Variants in GRAMD4 observed in about 807,000 individuals in gnomAD.
GRAMD4 encodes GRAM domain-containing protein 4.
In GRAMD4, 25 loss-of-function variants were observed where a neutral mutation model predicts 83.9. That is an observed-to-expected ratio of 0.30 (90% CI 0.22 to 0.42). The LOEUF is 0.42. Ranked by LOEUF, GRAMD4 falls within the 10% of genes least tolerant of loss-of-function variation. The pLI is 1.00. For synonymous variants in GRAMD4, 336 were observed against 320.9 expected, an observed-to-expected ratio of 1.05 and a Z score of -0.50; for missense variants, 593 against 788.7, an observed-to-expected ratio of 0.75 and a Z score of 2.97.
chr22:46,627,237 T>C (rs114164971), intron 2 of GRAMD4, among the ~76,000 whole-genome samples: 237 of 152,330 alleles, frequency 1.6e-3, no homozygotes, highest in African/African-American at 5.4e-3. Context: ...CTCACGCACA[T>C]GTGACGCGGA....
rs9616092 is a variant in GRAMD4, at chr22:46,672,394, A to G, written c.1085-449A>G. Among the ~76,000 whole-genome samples the G allele has an allele frequency of 0.11, 17,035 of 151,276 alleles. 1,089 individuals are homozygous for G. The highest frequency in any genetic ancestry group is 0.18 in the Middle Eastern group (53 of 294). ...GGCGTGGGGGGGCACCCAGTTGAAG[A>G]AGGGCAGGTGGGAGGGGGTTTGGGG... On this transcript the variant is annotated intron_variant, in intron 13 of 18. Coordinates refer to ENST00000406902, the MANE Select transcript of GRAMD4 (RefSeq NM_015124.5). The surrounding 1 kb of genome is among the most constrained non-coding windows in gnomAD (Gnocchi z 4.7).
At chr22:46,576,590 CG>C (rs1216628995), upstream of GRAMD4, among the ~76,000 whole-genome samples, 49 of 152,322 alleles carry the variant, frequency 3.2e-4, no homozygotes, top group Non-Finnish European at 2.2e-4. Context: ...GCGAGTCTAG[CG>C]GGGTTCGTGC....
chr22:46,595,904 T>C (rs1277138528), intron 1 of GRAMD4, among the ~76,000 whole-genome samples: 2 of 151,886 alleles, frequency 1.3e-5, no homozygotes, highest in African/African-American at 2.4e-5. Context: ...CCAGGGAGGC[T>C]GAGGAGTGGG....
At chr22:46,577,223 C>G in exon 1 of GRAMD4, 1 of 943,536 alleles carries the variant, frequency 1.1e-6, no homozygotes, top group Non-Finnish European at 1.3e-6. Context: ...AGGCGTAGCG[C>G]GGCCGGGCGG....
At chr22:46,617,500 C>T (rs528147789), upstream of GRAMD4, among the ~76,000 whole-genome samples, 106 of 151,300 alleles carry the variant, frequency 7.0e-4, no homozygotes, top group Non-Finnish European at 1.2e-3. Flanking sequence ...TAGGTTTCCC[C>T]GTGTGTAGGT....
chr22:46,662,262 G>C (rs2082338773), intron 5 of GRAMD4, among the ~76,000 whole-genome samples: 1 of 152,200 alleles, frequency 6.6e-6, no homozygotes, highest in African/African-American at 2.4e-5. Context: ...CCCTTGGCCT[G>C]TGGCTCTTGA....
upstream of GRAMD4, among the ~76,000 whole-genome samples, chr22:46,575,802 G>T (rs375581423): frequency 6.6e-6 from 1 of 152,352 alleles, no homozygotes; most frequent in African/African-American, 2.4e-5. Flanking sequence ...AGCCCTTGCG[G>T]AAGCGCTGGA....
intron 5 of GRAMD4, 30 bp downstream of exon 5, chr22:46,661,472 G>GCCACCCACCCGCCCGCCTGCCT: frequency 6.5e-7 from 1 of 1,536,200 alleles, no homozygotes; most frequent in Non-Finnish European, 8.9e-7. Context: ...TGGACAGGCA[G>GCCACCCACCCGCCCGCCTGCCT]GCGGGCGGGT....
chr22:46,592,803 C>T (rs991235159), intron 1 of GRAMD4, among the ~76,000 whole-genome samples: 3 of 152,140 alleles, frequency 2.0e-5, no homozygotes, highest in Non-Finnish European at 4.4e-5. Context: ...TGGCTGCCTG[C>T]CTTGCTTTCA....
At chr22:46,611,561 A>G (rs1396185576) in intron 1 of GRAMD4, among the ~76,000 whole-genome samples, 1 of 152,172 alleles carries the variant, frequency 6.6e-6, no homozygotes, top group Non-Finnish European at 1.5e-5. Context: ...GGGGAGATGA[A>G]CACTGGTGGG....
At chr22:46,611,937 C>T (rs1167743579) in intron 1 of GRAMD4, among the ~76,000 whole-genome samples, 1 of 131,196 alleles carries the variant, frequency 7.6e-6, no homozygotes, top group Non-Finnish European at 1.5e-5. Context: ...GCGGAGCTTG[C>T]AGTGAGCCGA....
intron 2 of GRAMD4, among the ~76,000 whole-genome samples, chr22:46,629,788 C>A (rs771626852): frequency 6.6e-6 from 1 of 152,192 alleles, no homozygotes; most frequent in East Asian, 1.9e-4. Context: ...AAAGAGACCC[C>A]GTTCCTTTCA....
In GRAMD4 at chr22:46,673,869, C is replaced by T. The variant is rs564787039; in HGVS notation, c.1384+55C>T. 4.3e-5 allele frequency: 69 copies of T among 1,591,234 alleles called. No homozygotes were observed. The African/African-American group carries it at 7.1e-4, about 16-fold the overall frequency. On this transcript the variant is annotated intron_variant, in intron 15 of 18. Coordinates refer to ENST00000406902, the MANE Select transcript of GRAMD4 (RefSeq NM_015124.5). ...CGAGCGCCGACACAGACTGAAGGCC[C>T]GTGAGGGGGGCGCTGTGGATGCAGG...
chr22:46,639,972 G>C (rs1386782339), intron 3 of GRAMD4, among the ~76,000 whole-genome samples: 1 of 152,166 alleles, frequency 6.6e-6, no homozygotes, highest in African/African-American at 2.4e-5. Flanking sequence ...AGCCTGCAGT[G>C]GTGGCTCTGC....
At chr22:46,616,543 C>T (rs1324416843), upstream of GRAMD4, among the ~76,000 whole-genome samples, 26 of 131,674 alleles carry the variant, frequency 2.0e-4, 1 homozygote, top group East Asian at 4.9e-4. Flanking sequence ...TAGGTTCCCC[C>T]GTGTGTGCAG....
At chr22:46,661,583 T>C (rs2082328691) in intron 5 of GRAMD4, 141 bp downstream of exon 5, 1 of 653,006 alleles carries the variant, frequency 1.5e-6, no homozygotes, top group South Asian at 1.8e-5. Flanking sequence ...GCTGGTTCTG[T>C]GCCCAGGCAC....
chr22:46,594,585 T>G (rs1281370929), intron 1 of GRAMD4, among the ~76,000 whole-genome samples: 176 of 135,824 alleles, frequency 1.3e-3, no homozygotes, highest in African/African-American at 1.8e-3. Flanking sequence ...TCTGGTTGGG[T>G]GGGGGGGGTT....
chr22:46,665,389 C>T (rs759031642), intron 8 of GRAMD4, among the ~76,000 whole-genome samples: 5 of 152,364 alleles, frequency 3.3e-5, no homozygotes, highest in Admixed American at 1.3e-4. Flanking sequence ...CCCCAGGACA[C>T]GCTTCTCCCT....
intron 1 of GRAMD4, among the ~76,000 whole-genome samples, chr22:46,579,566 G>A (rs1360870023): frequency 1.3e-5 from 2 of 152,154 alleles, no homozygotes; most frequent in African/African-American, 2.4e-5. Context: ...CCCACTTGAC[G>A]GGTCCTGGTG....
Sources: gnomAD v4.1 joint callset for allele counts (sites outside exome capture counted in the v4.1 genomes callset) on GRCh38, gnomAD v4.1.1 for gene constraint, Gnocchi (gnomAD v3.1) non-coding constraint, MANE v1.5 for transcripts, NCBI Gene and HGNC (gene_info 2026-07-23, HGNC 2026-07-21) for gene names.